DDAH1: variants seen among roughly 807,000 people sequenced by gnomAD.
DDAH1 encodes dimethylarginine dimethylaminohydrolase 1, also known as N(G),N(G)-dimethylarginine dimethylaminohydrolase 1.
Under a neutral mutation model 28.8 loss-of-function variants are expected in DDAH1, and 19 were observed. The observed-to-expected ratio is 0.66, with a 90% CI of 0.46 to 0.97. The LOEUF (loss-of-function observed/expected upper bound fraction) is 0.97. Ranked by LOEUF, DDAH1 falls within the 50% of genes least tolerant of loss-of-function variation. DDAH1 has a pLI of 0.00. For synonymous variants in DDAH1, 153 were observed against 154.4 expected, an observed-to-expected ratio of 0.99 and a Z score of 0.07; for missense variants, 326 against 375.9, an observed-to-expected ratio of 0.87 and a Z score of 1.10.
intron 1 of DDAH1, among the ~76,000 whole-genome samples, chr1:85,435,757 T>C (rs1570540305): frequency 1.3e-5 from 2 of 152,162 alleles, no homozygotes; most frequent in East Asian, 1.9e-4. Flanking sequence ...AAGGGACATA[T>C]GATTGTGCTG....
intron 2 of DDAH1, among the ~76,000 whole-genome samples, chr1:85,489,920 G>A (rs941597427): frequency 1.3e-5 from 2 of 152,074 alleles, no homozygotes; most frequent in African/African-American, 2.4e-5. Context: ...ATCACGGAGG[G>A]AAGAAGAAAG....
intron 5 of DDAH1, among the ~76,000 whole-genome samples, chr1:85,323,596 T>C (rs1661441207): frequency 6.6e-6 from 1 of 152,120 alleles, no homozygotes; most frequent in African/African-American, 2.4e-5. Context: ...AATGAAGAGC[T>C]TTTTGCTACC....
At chr1:85,556,779 T>C (rs1285521016) in intron 1 of DDAH1, among the ~76,000 whole-genome samples, 1 of 152,230 alleles carries the variant, frequency 6.6e-6, no homozygotes, top group Non-Finnish European at 1.5e-5. Flanking sequence ...CTTTGACTGT[T>C]CAGTATCCCT....
At chr1:85,499,405 T>C (rs1656716007) in intron 1 of DDAH1, among the ~76,000 whole-genome samples, 1 of 152,194 alleles carries the variant, frequency 6.6e-6, no homozygotes. Flanking sequence ...CCGGGTGCGG[T>C]GGCTGACGCC....
chr1:85,370,112 G>A (rs764733042), intron 1 of DDAH1, among the ~76,000 whole-genome samples: 6 of 152,198 alleles, frequency 3.9e-5, no homozygotes, highest in Admixed American at 1.3e-4. Context: ...GGTCTTTAGA[G>A]AGATAATCAG....
intron 1 of DDAH1, among the ~76,000 whole-genome samples, chr1:85,402,896 G>C (rs374595125): frequency 1.7e-5 from 2 of 118,346 alleles, no homozygotes; most frequent in Admixed American, 9.3e-5. Context: ...GTGACAGAGC[G>C]AGACTCCATC....
intron 1 of DDAH1, among the ~76,000 whole-genome samples, chr1:85,407,554 C>T (rs12133722): frequency 0.16 from 23,945 of 152,142 alleles, 2,287 homozygotes; most frequent in Admixed American, 0.22. Flanking sequence ...TTATTATTTT[C>T]ACCTAATTAG....
chr1:85,414,429 C>T (rs1363477503), intron 1 of DDAH1, among the ~76,000 whole-genome samples: 1 of 151,776 alleles, frequency 6.6e-6, no homozygotes, highest in East Asian at 1.9e-4. Context: ...AAGGATCTGA[C>T]CACGTTAAAA....
intron 1 of DDAH1, among the ~76,000 whole-genome samples, chr1:85,537,368 A>G (rs1456885832): frequency 1.3e-5 from 2 of 151,878 alleles, no homozygotes; most frequent in Non-Finnish European, 2.9e-5. Context: ...AAATCCTGTA[A>G]CATGCAACAA....
chr1:85,500,510 T>C (rs1315489308), intron 1 of DDAH1, among the ~76,000 whole-genome samples: 1 of 152,164 alleles, frequency 6.6e-6, no homozygotes, highest in Non-Finnish European at 1.5e-5. Flanking sequence ...TCCTTGGCTT[T>C]CATAAACTTG....
intron 1 of DDAH1, among the ~76,000 whole-genome samples, chr1:85,569,200 T>G (rs1399720474): frequency 6.6e-6 from 1 of 152,232 alleles, no homozygotes; most frequent in East Asian, 1.9e-4. Flanking sequence ...TCAATTAGAT[T>G]TTTAAAACAT....
chr1:85,466,962 C>G (rs1042673954), upstream of DDAH1, among the ~76,000 whole-genome samples: 2 of 150,804 alleles, frequency 1.3e-5, no homozygotes, highest in Non-Finnish European at 2.9e-5. Flanking sequence ...CTCGGCCTCC[C>G]GAGTAGCTGG....
At chr1:85,365,143 C>T (rs768197385) in intron 1 of DDAH1, among the ~76,000 whole-genome samples, 24 of 152,086 alleles carry the variant, frequency 1.6e-4, no homozygotes, top group Non-Finnish European at 3.1e-4. Context: ...GATGAGAAAA[C>T]TGGGGCAGAG....
rs1373176157 is a variant in DDAH1 at position 85,357,396 on chromosome 1, C to T, written c.403+1352G>A. Among the ~76,000 whole-genome samples, 139 of 152,168 alleles carry T rather than the reference C, an allele frequency of 9.1e-4. 1 individual carries two copies. The highest frequency in any genetic ancestry group is 1.6e-4 in the Non-Finnish European group (11 of 68,030). On this transcript the variant is annotated intron_variant, in intron 2 of 5. Coordinates refer to ENST00000284031, the MANE Select transcript of DDAH1 (RefSeq NM_012137.4). Reference sequence around the variant, plus strand: ...GCCCCCAGAGCTGGCAACGTGGTGGCCCCACCCATAGCGACAGTATGTGAC... The same window carrying T: ...GCCCCCAGAGCTGGCAACGTGGTGGTCCCACCCATAGCGACAGTATGTGAC...
At chr1:85,483,074 C>T (rs1447153883) in intron 2 of DDAH1, among the ~76,000 whole-genome samples, 2 of 151,878 alleles carry the variant, frequency 1.3e-5, no homozygotes, top group Non-Finnish European at 2.9e-5. Flanking sequence ...AAAAACTGTG[C>T]GTGGTGGCAC....
chr1:85,423,404 G>C (rs1653242190), intron 1 of DDAH1, among the ~76,000 whole-genome samples: 1 of 152,148 alleles, frequency 6.6e-6, no homozygotes, highest in Admixed American at 6.5e-5. Flanking sequence ...CATTAACAAG[G>C]AACTGGATTT....
intron 1 of DDAH1, among the ~76,000 whole-genome samples, chr1:85,437,562 AACTT>A (rs1244984520): frequency 3.3e-5 from 5 of 152,178 alleles, no homozygotes; most frequent in Non-Finnish European, 5.9e-5. Flanking sequence ...TTCTTTCTCT[AACTT>A]ACTTTATTAT....
intron 1 of DDAH1, chr1:85,404,403 G>GC: frequency 1.3e-6 from 2 of 1,534,950 alleles, no homozygotes; most frequent in African/African-American, 2.7e-5. Context: ...CCATCAAATT[G>GC]CCATCCAGAA....
At chr1:85,540,031 A>G (rs1289791021) in intron 1 of DDAH1, among the ~76,000 whole-genome samples, 1 of 152,134 alleles carries the variant, frequency 6.6e-6, no homozygotes, top group Non-Finnish European at 1.5e-5. Flanking sequence ...ATTTCTATCA[A>G]TTATGAATAT....
Sources: allele counts gnomAD v4.1 joint callset (sites outside exome capture counted in the v4.1 genomes callset), GRCh38; gene constraint gnomAD v4.1.1; transcripts MANE v1.5; gene names NCBI Gene and HGNC (gene_info 2026-07-23, HGNC 2026-07-21).